The following ZNF33B variants were observed in gnomAD, a reference collection of about 807,000 sequenced individuals.
ZNF33B encodes the protein zinc finger protein 11b (KOX 2).
In ZNF33B, 29 loss-of-function variants were observed where a neutral mutation model predicts 45.8. The observed-to-expected ratio is 0.63, with a 90% CI of 0.47 to 0.86. The LOEUF is 0.86. ZNF33B is among the 40% of genes least tolerant of loss of function. The probability of loss-of-function intolerance (pLI) is 0.00; values close to 1 mark genes in which losing one functional copy is unlikely to be tolerated. For missense variants in ZNF33B, 831 were observed against 909.9 expected (o/e 0.91, Z 1.12); for synonymous variants, 305 against 307.8 (o/e 0.99, Z 0.10).
chr10:42,589,009 A>G (rs1836994588), downstream of ZNF33B: 1 of 175,130 alleles, frequency 5.7e-6, no homozygotes, highest in Non-Finnish European at 1.1e-5. Flanking sequence ...GGATGTATAA[A>G]AGCAATTCAA....
chr10:42,608,705 A>C (rs7099357), intron 4 of ZNF33B, among the ~76,000 whole-genome samples: 1 of 152,154 alleles, frequency 6.6e-6, no homozygotes, highest in Non-Finnish European at 1.5e-5. Context: ...TCAATAAACT[A>C]ATTTTCCACC....
intron 1 of ZNF33B, chr10:42,583,156 T>C (rs762466092): frequency 2.5e-6 from 2 of 793,650 alleles, no homozygotes; most frequent in Admixed American, 1.7e-5. Context: ...AGAACAATAT[T>C]TGAAAATGTC....
At chr10:42,631,084 C>T (rs1839030711) in intron 4 of ZNF33B, among the ~76,000 whole-genome samples, 1 of 152,172 alleles carries the variant, frequency 6.6e-6, no homozygotes, top group South Asian at 2.1e-4. Context: ...CCTGACTGTT[C>T]CTTAAAGTAA....
chr10:42,627,661 C>A (rs571029750), intron 4 of ZNF33B, among the ~76,000 whole-genome samples: 300 of 152,266 alleles, frequency 2.0e-3, no homozygotes, highest in Admixed American at 5.9e-3. Context: ...GCATTTGGCA[C>A]TATAAATTTC....
At chr10:42,608,226 G>GA (rs1427811886) in intron 4 of ZNF33B, among the ~76,000 whole-genome samples, 1 of 151,970 alleles carries the variant, frequency 6.6e-6, no homozygotes, top group Non-Finnish European at 1.5e-5. Flanking sequence ...AGAATTAAAA[G>GA]AAAAAATACA....
chr10:42,638,477 A>T lies in ZNF33B; in HGVS notation c.-48T>A, dbSNP rs1430105262. On this transcript the variant is annotated 5_prime_UTR_variant, in exon 1 of 5. Transcript: ENST00000359467. ...TGCCCAACCCGCGGAGGCTTACCTC[A>T]CTCTCTCTTCGGGTTGCATTCGCCA... 3 of 435,556 alleles carry T rather than the reference A, an allele frequency of 6.9e-6. No individual in the cohort carries two copies. The highest frequency in any genetic ancestry group is 4.1e-5 in the African/African-American group (2 of 48,654). 27.0% of individuals were successfully genotyped at this position (435,556 alleles called of 1,614,324 possible). A position where few individuals can be genotyped will look rare whatever the true frequency, so the allele number is the denominator to read the frequency against.
At chr10:42,627,918 T>G (rs1377244740) in intron 4 of ZNF33B, among the ~76,000 whole-genome samples, 1 of 152,248 alleles carries the variant, frequency 6.6e-6, no homozygotes, top group Non-Finnish European at 1.5e-5. Flanking sequence ...TTCTTTTAAA[T>G]CTGCCAAGGC....
At chr10:42,603,911 ATAG>A (rs1320212529) in intron 4 of ZNF33B, among the ~76,000 whole-genome samples, 2 of 152,236 alleles carry the variant, frequency 1.3e-5, no homozygotes, top group African/African-American at 4.8e-5. Context: ...CTTCTCTCAA[ATAG>A]TAGTCAAGTT....
intron 4 of ZNF33B, among the ~76,000 whole-genome samples, chr10:42,625,481 CT>C (rs201193506): frequency 6.6e-6 from 1 of 151,008 alleles, no homozygotes; most frequent in Non-Finnish European, 1.5e-5. Flanking sequence ...GTTTTCTTTT[CT>C]TTTTTTTTGT....
chr10:42,619,711 T>C, intron 4 of ZNF33B, among the ~76,000 whole-genome samples: 1 of 152,148 alleles, frequency 6.6e-6, no homozygotes, highest in East Asian at 1.9e-4. Context: ...AAAGACATAA[T>C]CTGTGACAAC....
rs187644578 is a variant in ZNF33B, at chr10:42,610,128, G to A, written c.251-15429C>T. On this transcript the variant is annotated intron_variant, in intron 4 of 4. Transcript: ENST00000359467. ...TATGTATTTGCAGTTGACTGCTCAT[G>A]CATATAGAGAATCTTAAAGAATCTA... Among the ~76,000 whole-genome samples the A allele has an allele frequency of 1.0e-3, 155 of 152,286 alleles. No homozygotes were observed. The Middle Eastern group carries it at 0.01, about 10-fold the overall frequency.
At chr10:42,585,939 T>C (rs948250594), downstream of ZNF33B, among the ~76,000 whole-genome samples, 2 of 152,170 alleles carry the variant, frequency 1.3e-5, no homozygotes, top group African/African-American at 2.4e-5. Context: ...CCCACAATTA[T>C]TTCATTCATT....
At chr10:42,615,460 G>A (rs1380507654) in intron 4 of ZNF33B, among the ~76,000 whole-genome samples, 2 of 152,176 alleles carry the variant, frequency 1.3e-5, no homozygotes, top group African/African-American at 2.4e-5. Flanking sequence ...AGAAAAAGCA[G>A]CCAGGCAGAA....
At chr10:42,635,045 G>A (rs1278283149) in intron 2 of ZNF33B, among the ~76,000 whole-genome samples, 3 of 152,124 alleles carry the variant, frequency 2.0e-5, no homozygotes, top group Non-Finnish European at 4.4e-5. Context: ...CCAGGAGTTT[G>A]AGACCAGCCT....
At position 42,594,530 on chromosome 10, in the gene ZNF33B, A is replaced by G. The variant is rs1228280117; in HGVS notation, c.420T>C (p.Cys140=). 2.5e-6 allele frequency: 4 copies of G among 1,613,368 alleles called. 1 individual carries two copies. In the South Asian group the frequency reaches 3.3e-5, roughly 13 times the overall value. Residue 140 remains cysteine (C), a synonymous_variant, in exon 5 of 5, where the codon TGT becomes TGC. Transcript: ENST00000359467. ...AACTCATTCCACGTGAGTCATACTG[A>G]CAGAACATTTTTCTGGAAGGAAAAG... ...VSSFPSRKMF[C]QYDSRGMSFN...
chr10:42,597,699 A>C (rs1183062252), intron 4 of ZNF33B, among the ~76,000 whole-genome samples: 1 of 152,110 alleles, frequency 6.6e-6, no homozygotes, highest in Non-Finnish European at 1.5e-5. Context: ...ATATGGGCTA[A>C]ATTTCTGATT....
downstream of ZNF33B, among the ~76,000 whole-genome samples, chr10:42,587,228 C>A (rs1836952704): frequency 6.6e-6 from 1 of 152,126 alleles, no homozygotes; most frequent in African/African-American, 2.4e-5. Flanking sequence ...GAGATGGAGT[C>A]TTGCTCTCTT....
intron 1 of ZNF33B, among the ~76,000 whole-genome samples, chr10:42,581,225 T>C (rs1421162280): frequency 6.6e-6 from 1 of 151,754 alleles, no homozygotes; most frequent in East Asian, 1.9e-4. Context: ...GTGGTTCATG[T>C]TGGTAATCCC....
chr10:42,625,038 T>TATATA (rs1564523370), intron 4 of ZNF33B, among the ~76,000 whole-genome samples: 56 of 145,562 alleles, frequency 3.8e-4, no homozygotes, highest in Admixed American at 1.4e-3. Flanking sequence ...GTTTCATATT[T>TATATA]TATATATATA....
Sources: gnomAD v4.1 joint callset for allele counts (sites outside exome capture counted in the v4.1 genomes callset) on GRCh38, gnomAD v4.1.1 for gene constraint, MANE v1.5 for transcripts, NCBI Gene and HGNC (gene_info 2026-07-23, HGNC 2026-07-21) for gene names.